The following ZEB1 variants were observed in gnomAD, a reference collection of about 807,000 sequenced individuals.
The protein encoded by ZEB1 is zinc finger E-box binding homeobox 1.
A neutral mutation model predicts 84.9 loss-of-function variants in ZEB1; 21 were observed. The observed-to-expected ratio is 0.25, with a 90% CI of 0.18 to 0.36. ZEB1 has a LOEUF of 0.36. Ranked by LOEUF, ZEB1 falls within the 10% of genes least tolerant of loss-of-function variation. The probability of loss-of-function intolerance (pLI) is 1.00; values close to 1 mark genes in which losing one functional copy is unlikely to be tolerated. For missense variants in ZEB1, 1,104 were observed against 1,330.2 expected (o/e 0.83, Z 2.65); for synonymous variants, 420 against 471.1 (o/e 0.89, Z 1.41).
intron 1 of ZEB1, among the ~76,000 whole-genome samples, chr10:31,445,533 T>A (rs2059646489): frequency 6.6e-6 from 1 of 151,868 alleles, no homozygotes; most frequent in African/African-American, 2.4e-5. Flanking sequence ...GCCCATTCAG[T>A]ATGATATTGG....
chr10:31,407,442 T>A (rs1358294662), intron 1 of ZEB1, among the ~76,000 whole-genome samples: 1 of 152,050 alleles, frequency 6.6e-6, no homozygotes, highest in Non-Finnish European at 1.5e-5. Context: ...TTTTTATGGC[T>A]GCATAGTATT....
intron 1 of ZEB1, chr10:31,375,047 A>ACACACACG (rs879713506): frequency 3.8e-3 from 9 of 2,376 alleles, no homozygotes; most frequent in Non-Finnish European, 7.8e-3. Context: ...TGTTTTTCAT[A>ACACACACG]CACACACACA....
chr10:31,446,650 C>G (rs2059821308), intron 1 of ZEB1, among the ~76,000 whole-genome samples: 1 of 152,104 alleles, frequency 6.6e-6, no homozygotes, highest in Non-Finnish European at 1.5e-5. Flanking sequence ...ATCTTTATTT[C>G]TGCCTTCATT....
In ZEB1 at chr10:31,482,744, T is replaced by C. The variant is rs564938301; in HGVS notation, c.260-13032T>C. ...ATCCTTTCCTTGGGCTTTGTTAGTA[T>C]GTATTACCTGAAAAAAGTTGGAATT... On this transcript the variant is annotated intron_variant, in intron 2 of 8. Coordinates refer to ENST00000424869, the MANE Select transcript of ZEB1 (RefSeq NM_001174096.2). Among the ~76,000 whole-genome samples the C allele has an allele frequency of 2.0e-5, 3 of 152,174 alleles. No homozygotes were observed. In the South Asian group the frequency reaches 6.2e-4, roughly 32 times the overall value.
chr10:31,512,963 A>G lies in ZEB1; in HGVS notation c.688-1640A>G, dbSNP rs1219328799. Among the ~76,000 whole-genome samples the G allele has an allele frequency of 3.3e-5, 5 of 152,270 alleles. No individual in the cohort carries two copies. In the East Asian group the frequency reaches 9.7e-4, roughly 29 times the overall value. On this transcript the variant is annotated intron_variant, in intron 5 of 8. Coordinates refer to ENST00000424869, the MANE Select transcript of ZEB1 (RefSeq NM_001174096.2). ...CAGCAGAGGCCAGTGTGAAAGGGAG[A>G]AAGGTAAGGCCAGAGAGGTGTTGGG...
At chr10:31,380,896 C>T (rs1374760388) in intron 1 of ZEB1, among the ~76,000 whole-genome samples, 1 of 152,124 alleles carries the variant, frequency 6.6e-6, no homozygotes, top group Admixed American at 6.6e-5. Flanking sequence ...TTTATGTAGT[C>T]AACATATATA....
At chr10:31,511,035 A>C (rs2069888384) in intron 5 of ZEB1, among the ~76,000 whole-genome samples, 160 bp downstream of exon 5, 1 of 152,260 alleles carries the variant, frequency 6.6e-6, no homozygotes, top group African/African-American at 2.4e-5. Context: ...TATTTGAGTT[A>C]TCTGGTCATT....
At chr10:31,516,077 A>T (rs919884105) in intron 6 of ZEB1, among the ~76,000 whole-genome samples, 1 of 152,136 alleles carries the variant, frequency 6.6e-6, no homozygotes, top group Non-Finnish European at 1.5e-5. Flanking sequence ...GAAAGTATAA[A>T]TCAGAACAAG....
intron 4 of ZEB1, among the ~76,000 whole-genome samples, chr10:31,503,245 C>T (rs976098976): frequency 8.6e-5 from 13 of 152,032 alleles, no homozygotes; most frequent in African/African-American, 2.9e-4. Context: ...CAGGTCCATA[C>T]AGTACGATCT....
At chr10:31,370,496 A>G (rs979287716) in intron 1 of ZEB1, among the ~76,000 whole-genome samples, 2 of 152,206 alleles carry the variant, frequency 1.3e-5, no homozygotes, top group Non-Finnish European at 2.9e-5. Flanking sequence ...TTTAAAACTC[A>G]TATTCTTAGT....
chr10:31,443,167 C>T (rs1020110232), intron 1 of ZEB1, among the ~76,000 whole-genome samples: 3 of 152,132 alleles, frequency 2.0e-5, no homozygotes, highest in Admixed American at 2.0e-4. Context: ...GTTTATTGGG[C>T]ATTCATTTTT....
rs150894780 is a variant in ZEB1, at chr10:31,465,871, A to G, written c.259+4634A>G. ...ATTTTTTAAAACTGACCCAACTACA[A>G]GCTGCCTACAGGAGACTTATTTTAC... On this transcript the variant is annotated intron_variant, in intron 2 of 8. Transcript: ENST00000424869. Among the ~76,000 whole-genome samples, 19 of 152,334 alleles carry G rather than the reference A, an allele frequency of 1.2e-4. No homozygotes were observed. In the East Asian group the frequency reaches 3.7e-3, roughly 29 times the overall value.
rs192634202 is a variant in ZEB1, at chr10:31,478,489, A to G, written c.259+17252A>G. Among the ~76,000 whole-genome samples the G allele has an allele frequency of 1.9e-3, 295 of 152,128 alleles. 1 individual carries two copies. The highest frequency in any genetic ancestry group is 6.9e-3 in the African/African-American group (286 of 41,548). On this transcript the variant is annotated intron_variant, in intron 2 of 8. Coordinates refer to ENST00000424869, the MANE Select transcript of ZEB1 (RefSeq NM_001174096.2). Reference sequence around the variant, plus strand: ...AATGGAATTACCATTCAATTCAGCAATGCCACTACTGGGCTTCTACCCAAA... The same window carrying G: ...AATGGAATTACCATTCAATTCAGCAGTGCCACTACTGGGCTTCTACCCAAA...
intron 2 of ZEB1, among the ~76,000 whole-genome samples, chr10:31,474,834 G>C (rs1591662402): frequency 6.6e-6 from 1 of 152,028 alleles, no homozygotes; most frequent in Non-Finnish European, 1.5e-5. Flanking sequence ...ATGATAGACT[G>C]GATTAAGAAA....
At chr10:31,488,608 T>TA (rs1365540713) in intron 2 of ZEB1, among the ~76,000 whole-genome samples, 1 of 151,040 alleles carries the variant, frequency 6.6e-6, no homozygotes, top group Non-Finnish European at 1.5e-5. Context: ...ACTGTTGTTT[T>TA]AATACACAAT....
At chr10:31,405,212 A>G (rs2052754572) in intron 1 of ZEB1, among the ~76,000 whole-genome samples, 1 of 152,176 alleles carries the variant, frequency 6.6e-6, no homozygotes, top group Non-Finnish European at 1.5e-5. Flanking sequence ...ATTTGAAAGC[A>G]GTTGTGTGTG....
intron 1 of ZEB1, among the ~76,000 whole-genome samples, chr10:31,424,167 T>G (rs2056616746): frequency 6.6e-6 from 1 of 152,028 alleles, no homozygotes; most frequent in African/African-American, 2.4e-5. Context: ...AAATTCACTT[T>G]GAAGAAATGC....
At chr10:31,437,793 A>T (rs1020491186) in intron 1 of ZEB1, among the ~76,000 whole-genome samples, 2 of 152,234 alleles carry the variant, frequency 1.3e-5, no homozygotes, top group Non-Finnish European at 2.9e-5. Flanking sequence ...CAGGAGTTTT[A>T]AATTACACAT....
rs1426989480 is a variant in ZEB1, at chr10:31,472,976, G to T, written c.259+11739G>T. On this transcript the variant is annotated intron_variant, in intron 2 of 8. Coordinates refer to ENST00000424869, the MANE Select transcript of ZEB1 (RefSeq NM_001174096.2). ...CAAAAACCACATGATTATCTCAATAGATGCAGAAAAGGCCTTTGACAAAAT... is the reference window on the plus strand; with the variant it reads ...CAAAAACCACATGATTATCTCAATATATGCAGAAAAGGCCTTTGACAAAAT... Among the ~76,000 whole-genome samples, 400 of 133,588 alleles carry T rather than the reference G, an allele frequency of 3.0e-3. 4 individuals are homozygous for T. Among genetic ancestry groups the T allele is most frequent in the African/African-American group, 0.013 (355 of 27,192 alleles). 87.6% of individuals were successfully genotyped at this position (133,588 alleles called of 152,430 possible). A position where few individuals can be genotyped will look rare whatever the true frequency, so the allele number is the denominator to read the frequency against.
Sources: allele counts gnomAD v4.1 joint callset (sites outside exome capture counted in the v4.1 genomes callset), GRCh38; gene constraint gnomAD v4.1.1; transcripts MANE v1.5; gene names NCBI Gene and HGNC (gene_info 2026-07-23, HGNC 2026-07-21).